TMEM223: variants seen among roughly 807,000 people sequenced by gnomAD.
TMEM223 encodes the protein transmembrane protein 223.
A neutral mutation model predicts 14.1 loss-of-function variants in TMEM223; 14 were observed. That is an observed-to-expected ratio of 0.99 (90% CI 0.66 to 1.55). TMEM223 has a LOEUF of 1.55. Ranked by LOEUF, TMEM223 falls within the 40% of genes most tolerant of loss-of-function variation. The pLI, the probability that TMEM223 is intolerant of heterozygous loss-of-function variation, is 0.00. For synonymous variants in TMEM223, 145 were observed against 120.5 expected, an observed-to-expected ratio of 1.20 and a Z score of -1.33; for missense variants, 346 against 269.9, an observed-to-expected ratio of 1.28 and a Z score of -1.97.
chr11:62,781,103 G>A (rs2084226126), intron 1 of TMEM223, among the ~76,000 whole-genome samples: 1 of 151,766 alleles, frequency 6.6e-6, no homozygotes, highest in Admixed American at 6.6e-5. Flanking sequence ...GGGCGTGGTG[G>A]TGGGCGCCTG....
chr11:62,782,190 C>T (rs2084235135), intron 1 of TMEM223: 3 of 1,614,034 alleles, frequency 1.9e-6, no homozygotes, highest in African/African-American at 2.7e-5. Context: ...GTAATCCGCA[C>T]CTGTGCTTGG....
chr11:62,776,343 T>C, intron 1 of TMEM223: 2 of 1,607,212 alleles, frequency 1.2e-6, no homozygotes, highest in Non-Finnish European at 1.7e-6. Context: ...TGCCCCCTGC[T>C]TCACATCCTT....
chr11:62,778,827 C>A lies in TMEM223; in HGVS notation c.315-4162G>T, dbSNP rs547964724. 7 of 1,557,898 alleles carry A rather than the reference C, an allele frequency of 4.5e-6. No individual in the cohort carries two copies. In the East Asian group the frequency reaches 1.3e-4, roughly 30 times the overall value. On this transcript the variant is annotated intron_variant, in intron 1 of 2. Coordinates refer to the TMEM223 transcript ENST00000528367. ...GAGGCTGGAGAGGCCAGGAGAGGGC[C>A]AGCTCTCCACCTGTCCCTGCTTCCT...
Position 62,776,446 on chromosome 11 carries a change from G to C in TMEM223, c.315-1781C>G, listed in dbSNP as rs755283567. ...AGCTGACGGTTGAGGACTTCAACAG[G>C]GCCCTCAGATGGAGCAGCGTGGAGG... On this transcript the variant is annotated intron_variant, in intron 1 of 2. Transcript: ENST00000528367. 3 of 1,613,772 alleles carry C rather than the reference G, an allele frequency of 1.9e-6. No homozygotes were observed. In the East Asian group the frequency reaches 6.7e-5, roughly 36 times the overall value.
chr11:62,781,975 G>A (rs2134715943), intron 1 of TMEM223: 3 of 1,613,922 alleles, frequency 1.9e-6, no homozygotes, highest in East Asian at 4.5e-5. Flanking sequence ...TGGGGTAAGT[G>A]ACCAGGCTGG....
intron 1 of TMEM223, chr11:62,775,835 C>T (rs748591616): frequency 3.0e-5 from 49 of 1,612,898 alleles, no homozygotes; most frequent in Non-Finnish European, 3.8e-5. Flanking sequence ...GGAGTCTGTC[C>T]GGCTCATGGC....
chr11:62,775,176 A>G (rs1176671712), intron 1 of TMEM223, among the ~76,000 whole-genome samples: 1 of 152,138 alleles, frequency 6.6e-6, no homozygotes, highest in Non-Finnish European at 1.5e-5. Context: ...GAGGAAGCAA[A>G]CATGTCTTTC....
At chr11:62,788,950 C>T (rs902283095), downstream of TMEM223, 23 of 1,486,104 alleles carry the variant, frequency 1.5e-5, no homozygotes, top group Admixed American at 6.3e-5. Context: ...TAAGTTATCA[C>T]TAACACCCTA....
chr11:62,790,075 G>C lies in TMEM223; in HGVS notation c.*548C>G. 3.8e-6 allele frequency: 6 copies of C among 1,576,956 alleles called. No individual in the cohort carries two copies. The highest frequency in any genetic ancestry group is 5.2e-6 in the Non-Finnish European group (6 of 1,160,060). ...AATAAGCGGAGTGCTTCCTGCAGCC[G>C]AAGACTCCATGCCCAAGTGCCTGTA... On this transcript the variant is annotated 3_prime_UTR_variant, in exon 2 of 2. Transcript: ENST00000307366.
chr11:62,778,267 T>C (rs764315799), intron 1 of TMEM223: 2 of 1,614,130 alleles, frequency 1.2e-6, no homozygotes, highest in South Asian at 2.2e-5. Flanking sequence ...CTGACACATC[T>C]CTCTGCACTG....
chr11:62,787,520 G>T (rs1478755452), downstream of TMEM223: 2 of 1,571,326 alleles, frequency 1.3e-6, no homozygotes, highest in African/African-American at 2.7e-5. Context: ...GCGATGACTC[G>T]GACCCAGGTG....
downstream of TMEM223, chr11:62,786,137 G>GT: frequency 8.0e-7 from 1 of 1,243,368 alleles, no homozygotes; most frequent in Non-Finnish European, 1.1e-6. Context: ...GCCAATCAGG[G>GT]AATTTAGGAG....
rs899850122 is a variant in TMEM223, at chr11:62,790,108, C to A, written c.*515G>T. ...CATGCCCAAGTGCCTGTAATCCCCCCCCTCAAGGCCCTGTTTATGTTGGGA... is the reference window on the plus strand; with the variant it reads ...CATGCCCAAGTGCCTGTAATCCCCCACCTCAAGGCCCTGTTTATGTTGGGA... On this transcript the variant is annotated 3_prime_UTR_variant, in exon 2 of 2. Transcript: ENST00000307366. 2.4e-5 allele frequency: 36 copies of A among 1,490,926 alleles called. No homozygotes were observed. The highest frequency in any genetic ancestry group is 9.6e-5 in the Admixed American group (4 of 41,544). The allele number at this position is 1,490,926 out of a possible 1,614,324, so 92.4% of individuals were successfully genotyped here. A position where few individuals can be genotyped will look rare whatever the true frequency, so the allele number is the denominator to read the frequency against.
downstream of TMEM223, chr11:62,786,262 A>G (rs566145471): frequency 7.2e-5 from 116 of 1,611,194 alleles, no homozygotes; most frequent in Non-Finnish European, 9.6e-5. Context: ...CCTTCCAGGC[A>G]GTAGAACGAG....
chr11:62,783,121 T>A (rs901282751), downstream of TMEM223, among the ~76,000 whole-genome samples: 1 of 152,234 alleles, frequency 6.6e-6, no homozygotes, highest in African/African-American at 2.4e-5. Context: ...TACACATGAA[T>A]AGATACTGAA....
intron 1 of TMEM223, among the ~76,000 whole-genome samples, chr11:62,774,956 T>C (rs2084174985): frequency 1.3e-5 from 2 of 148,194 alleles, no homozygotes; most frequent in South Asian, 4.3e-4. Flanking sequence ...TCCCAGCTAC[T>C]CAGGAGGCTG....
intron 1 of TMEM223, chr11:62,776,032 C>A: frequency 7.2e-7 from 1 of 1,381,088 alleles, no homozygotes. Context: ...TGGGTGCCTG[C>A]TCCATACAAC....
chr11:62,777,851 T>G, intron 1 of TMEM223: 1 of 1,174,170 alleles, frequency 8.5e-7, no homozygotes, highest in Non-Finnish European at 1.2e-6. Context: ...TTCCACCACT[T>G]TTCTTGGGAC....
intron 1 of TMEM223, chr11:62,779,019 GTTT>G (rs373542247): frequency 4.3e-3 from 3,938 of 922,078 alleles, no homozygotes; most frequent in East Asian, 5.3e-3. Context: ...TTCTAGACCT[GTTT>G]TTTTTTTTTT....
Sources: allele counts gnomAD v4.1 joint callset (sites outside exome capture counted in the v4.1 genomes callset), GRCh38; gene constraint gnomAD v4.1.1; transcripts MANE v1.5; gene names NCBI Gene and HGNC (gene_info 2026-07-23, HGNC 2026-07-21).